Variants in AGBL1 observed in about 807,000 individuals in gnomAD.
AGBL1 encodes cytosolic carboxypeptidase 4.
A neutral mutation model predicts 118.9 loss-of-function variants in AGBL1; 130 were observed. The ratio of observed to expected loss-of-function variants is 1.09; its 90% confidence interval spans 0.95 to 1.26. The LOEUF (loss-of-function observed/expected upper bound fraction) is 1.26, where lower values mean the gene tolerates loss of function less well. Ranked by LOEUF, AGBL1 falls within the 50% of genes most tolerant of loss-of-function variation. The probability of loss-of-function intolerance (pLI) is 0.00; values close to 1 mark genes in which losing one functional copy is unlikely to be tolerated. For synonymous variants in AGBL1, 555 were observed against 478.9 expected (o/e 1.16, Z -2.08); for missense variants, 1,584 against 1,298.1 (o/e 1.22, Z -3.38).
Position 86,911,843 on chromosome 15 carries a change from C to T in AGBL1, c.*4549C>T, listed in dbSNP as rs934094945. The T allele has an allele frequency of 1.3e-5, 2 of 152,002 alleles. No individual in the cohort carries two copies. Among genetic ancestry groups the T allele is most frequent in the East Asian group, 1.9e-4 (1 of 5,176 alleles). The allele number at this position is 152,002 out of a possible 1,614,324, so 9.4% of individuals were successfully genotyped here. ...GTTATATATAATCTCTCTTCCATGC[C>T]CCTGTTGCACTGTTTATATATCTCT... On this transcript the variant is annotated 3_prime_UTR_variant, in exon 23 of 23. Coordinates refer to ENST00000614907, the MANE Select transcript of AGBL1 (RefSeq NM_001386094.1).
chr15:86,283,620 T>C (rs1194924652), intron 16 of AGBL1, among the ~76,000 whole-genome samples: 1 of 152,018 alleles, frequency 6.6e-6, no homozygotes. Context: ...AAGTGTCCAG[T>C]GGGAAATGTT....
intron 22 of AGBL1, among the ~76,000 whole-genome samples, chr15:86,701,188 T>C (rs76996995): frequency 1.3e-5 from 2 of 152,264 alleles, no homozygotes; most frequent in Non-Finnish European, 2.9e-5. Context: ...AATTTCAGCC[T>C]GTGTGCTCTT....
intron 21 of AGBL1, among the ~76,000 whole-genome samples, chr15:86,568,895 T>A (rs973945956): frequency 2.6e-5 from 4 of 152,210 alleles, no homozygotes; most frequent in Admixed American, 6.5e-5. Flanking sequence ...GAAATTTTTT[T>A]AATGACAATG....
chr15:86,834,933 T>C (rs1262483633), intron 22 of AGBL1, among the ~76,000 whole-genome samples: 2 of 152,132 alleles, frequency 1.3e-5, no homozygotes, highest in Non-Finnish European at 2.9e-5. Context: ...CTATGGACTG[T>C]CTTGAGGAGC....
At chr15:86,197,216 C>T (rs527529236) in intron 5 of AGBL1, among the ~76,000 whole-genome samples, 8 of 152,206 alleles carry the variant, frequency 5.3e-5, no homozygotes, top group Non-Finnish European at 7.4e-5. Context: ...TGCCAGAAAA[C>T]GCCTAGGTTG....
At chr15:86,135,472 C>T (rs893529923) in intron 1 of AGBL1, among the ~76,000 whole-genome samples, 1 of 152,198 alleles carries the variant, frequency 6.6e-6, no homozygotes, top group Non-Finnish European at 1.5e-5. Context: ...GCTAGATTGA[C>T]AGAAAAATTG....
At chr15:86,439,624 C>G (rs1051965605) in intron 18 of AGBL1, among the ~76,000 whole-genome samples, 4 of 152,194 alleles carry the variant, frequency 2.6e-5, no homozygotes, top group African/African-American at 4.8e-5. Context: ...GGGTCAACAA[C>G]AGGAGTGAGA....
chr15:86,294,380 T>A (rs1222697094), intron 16 of AGBL1, among the ~76,000 whole-genome samples: 1 of 127,402 alleles, frequency 7.8e-6, no homozygotes. Flanking sequence ...GCCTGCCTGG[T>A]TGACAGAGTG....
At chr15:86,422,691 C>A (rs746726215) in intron 18 of AGBL1, among the ~76,000 whole-genome samples, 11 of 151,856 alleles carry the variant, frequency 7.2e-5, no homozygotes, top group Non-Finnish European at 1.2e-4. Flanking sequence ...AATAGATAGA[C>A]CACTAGCCAG....
intron 23 of AGBL1, among the ~76,000 whole-genome samples, chr15:86,925,720 CT>C (rs375125663): frequency 0.096 from 12,577 of 131,636 alleles, 397 homozygotes; most frequent in East Asian, 0.27. Context: ...TTTTTCTTTT[CT>C]TTTTTTTTTT....
chr15:86,179,223 T>C (rs2077521290), intron 5 of AGBL1, among the ~76,000 whole-genome samples: 1 of 152,234 alleles, frequency 6.6e-6, no homozygotes, highest in South Asian at 2.1e-4. Flanking sequence ...AAGAACAATA[T>C]AGAAAGGCCA....
At chr15:86,448,675 T>C (rs944967152) in intron 18 of AGBL1, among the ~76,000 whole-genome samples, 1 of 146,834 alleles carries the variant, frequency 6.8e-6, no homozygotes, top group African/African-American at 2.6e-5. Context: ...TAGTCTCTGA[T>C]TGAATGTGGG....
At chr15:86,341,351 T>C (rs2080458994) in intron 17 of AGBL1, among the ~76,000 whole-genome samples, 1 of 150,476 alleles carries the variant, frequency 6.6e-6, no homozygotes, top group Non-Finnish European at 1.5e-5. Context: ...TGCTGACTTG[T>C]TCAGCTCCAA....
intron 21 of AGBL1, among the ~76,000 whole-genome samples, chr15:86,657,897 G>A (rs986755853): frequency 2.0e-5 from 3 of 152,066 alleles, no homozygotes; most frequent in Non-Finnish European, 2.9e-5. Context: ...TTTAGGTTTA[G>A]GGGAGCTAAG....
At chr15:86,699,797 C>A (rs1460893670) in intron 22 of AGBL1, among the ~76,000 whole-genome samples, 1 of 151,936 alleles carries the variant, frequency 6.6e-6, no homozygotes, top group Non-Finnish European at 1.5e-5. Context: ...GCCAAGCTTC[C>A]CCTCTGTATA....
At chr15:86,301,743 T>C (rs1385866455) in intron 17 of AGBL1, among the ~76,000 whole-genome samples, 1 of 150,126 alleles carries the variant, frequency 6.7e-6, no homozygotes, top group Non-Finnish European at 1.5e-5. Context: ...GGGGTGAAAC[T>C]AAGTTCAGCG....
At chr15:86,762,958 AC>A (rs1275578274) in intron 22 of AGBL1, among the ~76,000 whole-genome samples, 1 of 151,972 alleles carries the variant, frequency 6.6e-6, no homozygotes, top group Non-Finnish European at 1.5e-5. Context: ...AAGGGAAAAC[AC>A]CATAGCACTG....
intron 18 of AGBL1, among the ~76,000 whole-genome samples, chr15:86,455,925 C>T (rs953877009): frequency 2.6e-5 from 4 of 152,134 alleles, no homozygotes; most frequent in African/African-American, 9.7e-5. Context: ...CATCTACCTA[C>T]CTACCCATCC....
chr15:86,204,108 G>A (rs1370175898), intron 5 of AGBL1, among the ~76,000 whole-genome samples: 1 of 152,134 alleles, frequency 6.6e-6, no homozygotes, highest in Non-Finnish European at 1.5e-5. Context: ...AAAGCAGGTG[G>A]ACTGTACCTG....
Sources: gnomAD v4.1 joint callset for allele counts (sites outside exome capture counted in the v4.1 genomes callset) on GRCh38, gnomAD v4.1.1 for gene constraint, MANE v1.5 for transcripts, NCBI Gene and HGNC (gene_info 2026-07-23, HGNC 2026-07-21) for gene names.